Variants in CA8 observed in about 807,000 individuals in gnomAD.
CA8 encodes carbonic anhydrase 8 (inactive).
Under a neutral mutation model 41.4 loss-of-function variants are expected in CA8, and 22 were observed. That is an observed-to-expected ratio of 0.53 (90% confidence interval 0.38 to 0.76). The LOEUF (loss-of-function observed/expected upper bound fraction) is 0.76, where lower values mean the gene tolerates loss of function less well. Ranked by LOEUF, CA8 falls within the 30% of genes least tolerant of loss-of-function variation. The pLI, the probability that CA8 is intolerant of heterozygous loss-of-function variation, is 0.00. For missense variants in CA8, 270 were observed against 352.8 expected (o/e 0.77, Z 1.88); for synonymous variants, 121 against 130.6 (o/e 0.93, Z 0.50).
intron 8 of CA8, among the ~76,000 whole-genome samples, chr8:60,198,518 C>G (rs777152276): frequency 6.6e-6 from 1 of 152,126 alleles, no homozygotes; most frequent in Non-Finnish European, 1.5e-5. Flanking sequence ...TCAATTAGCA[C>G]CAAACTAATT....
intron 7 of CA8, among the ~76,000 whole-genome samples, chr8:60,216,013 C>T (rs931883390): frequency 6.6e-6 from 1 of 152,144 alleles, no homozygotes; most frequent in Non-Finnish European, 1.5e-5. Context: ...TAATTTAATG[C>T]AAAATTTTTA....
chr8:60,208,667 A>T (rs1224676023), intron 8 of CA8, 83 bp downstream of exon 8: 2 of 1,184,766 alleles, frequency 1.7e-6, no homozygotes, highest in Non-Finnish European at 2.5e-6. Context: ...TTACTAAATT[A>T]CCAGGATCAC....
intron 3 of CA8, among the ~76,000 whole-genome samples, chr8:60,241,290 T>C (rs375958915): frequency 2.6e-4 from 39 of 152,352 alleles, no homozygotes; most frequent in South Asian, 8.3e-4. Context: ...TATCACCTAC[T>C]TGTTATGTCT....
intron 3 of CA8, among the ~76,000 whole-genome samples, chr8:60,232,999 G>GA (rs1356565553): frequency 6.6e-6 from 1 of 152,206 alleles, no homozygotes. Flanking sequence ...ACAATGCTCA[G>GA]AGGCCTCCCT....
At chr8:60,214,879 A>G (rs1363049863) in intron 7 of CA8, among the ~76,000 whole-genome samples, 1 of 152,218 alleles carries the variant, frequency 6.6e-6, no homozygotes, top group East Asian at 1.9e-4. Context: ...AAACACATTC[A>G]TATTCCTTCA....
chr8:60,272,587 C>G (rs1804107385), intron 2 of CA8, among the ~76,000 whole-genome samples: 1 of 152,074 alleles, frequency 6.6e-6, no homozygotes. Flanking sequence ...GCAAGCTGTC[C>G]CTTCTTCCCA....
intron 7 of CA8, among the ~76,000 whole-genome samples, chr8:60,219,431 C>T (rs1807156397): frequency 6.6e-6 from 1 of 152,204 alleles, no homozygotes; most frequent in Non-Finnish European, 1.5e-5. Flanking sequence ...GCTGGGATTA[C>T]AGGCATGAGC....
chr8:60,257,967 C>A (rs1803605098), intron 3 of CA8, among the ~76,000 whole-genome samples: 1 of 152,184 alleles, frequency 6.6e-6, no homozygotes, highest in Admixed American at 6.5e-5. Context: ...TTTCAGTTAA[C>A]TCTGGTCCAA....
chr8:60,226,763 C>A lies in CA8; in HGVS notation c.576+110G>T, dbSNP rs1807453961. 8.5e-6 allele frequency: 6 copies of A among 708,794 alleles called. No homozygotes were observed. The Admixed American group carries it at 1.2e-4, about 15-fold the overall frequency. The allele number at this position is 708,794 out of a possible 1,614,324, so 43.9% of individuals were successfully genotyped here. On this transcript the variant is annotated intron_variant, in intron 5 of 8. Transcript: ENST00000317995. ...TAATAAACCATAACCACAAGGACAGCAGCTTTTCTGAGATCTGTGAGTCCT... is the reference window on the plus strand; with the variant it reads ...TAATAAACCATAACCACAAGGACAGAAGCTTTTCTGAGATCTGTGAGTCCT...
rs532822665 is a variant in CA8 at position 60,225,544 on chromosome 8, G to A, written c.577-959C>T. Among the ~76,000 whole-genome samples, 5 of 152,160 alleles carry A rather than the reference G, an allele frequency of 3.3e-5. No homozygotes were observed. The East Asian group carries it at 9.7e-4, about 29-fold the overall frequency. On this transcript the variant is annotated intron_variant, in intron 5 of 8. Coordinates refer to ENST00000317995, the MANE Select transcript of CA8 (RefSeq NM_004056.6). ...TTATCAGCTTTTTTTATCTGGACTGGGCATCCCTTGGAAGCTGGGTTCCTT... is the reference window on the plus strand; with the variant it reads ...TTATCAGCTTTTTTTATCTGGACTGAGCATCCCTTGGAAGCTGGGTTCCTT...
chr8:60,229,708 G>A (rs373374844), intron 4 of CA8, among the ~76,000 whole-genome samples: 108 of 152,174 alleles, frequency 7.1e-4, no homozygotes, highest in African/African-American at 2.6e-3. Flanking sequence ...CAGATGCCCC[G>A]GGCCATCCAG....
chr8:60,204,098 A>G (rs77100415), intron 8 of CA8, among the ~76,000 whole-genome samples: 2,107 of 152,340 alleles, frequency 0.014, 58 homozygotes, highest in African/African-American at 0.046. Context: ...CCACCTACTT[A>G]CAGGAAAGGT....
At chr8:60,190,435 ATATATATATATATAT>A in intron 8 of CA8, among the ~76,000 whole-genome samples, 1 of 1,856 alleles carries the variant, frequency 5.4e-4, no homozygotes. Context: ...AATGCAGAAT[ATATATATATATATAT>A]ATATATATAT....
intron 8 of CA8, among the ~76,000 whole-genome samples, chr8:60,192,147 C>T (rs1473360509): frequency 6.6e-6 from 1 of 152,080 alleles, no homozygotes. Context: ...ATTAGCTTTA[C>T]CTGCCTCAAA....
At chr8:60,206,577 C>T (rs989981222) in intron 8 of CA8, among the ~76,000 whole-genome samples, 2 of 152,144 alleles carry the variant, frequency 1.3e-5, no homozygotes, top group African/African-American at 4.8e-5. Context: ...ATCCCACCCC[C>T]GCTGCCTCTT....
At position 60,227,975 on chromosome 8, in the gene CA8, T is replaced by C. The variant is rs184531705; in HGVS notation, c.514-1040A>G. On this transcript the variant is annotated intron_variant, in intron 4 of 8. Transcript: ENST00000317995. ...AGAGTAATGGAGGTCATTTAGAACC[T>C]CAAATAAACAATCATTGCTTTTGTC... 1.6e-3 allele frequency among the ~76,000 whole-genome samples: 243 copies of C among 152,302 alleles called. 2 individuals carry two copies. Among genetic ancestry groups the C allele is most frequent in the African/African-American group, 5.8e-3 (241 of 41,574 alleles).
intron 8 of CA8, among the ~76,000 whole-genome samples, chr8:60,192,658 TG>T (rs1806162989): frequency 6.6e-6 from 1 of 152,078 alleles, no homozygotes; most frequent in Admixed American, 6.6e-5. Context: ...CATAAATAAG[TG>T]CAACAAAATG....
At chr8:60,205,741 AG>A (rs896997669) in intron 8 of CA8, among the ~76,000 whole-genome samples, 136 of 152,334 alleles carry the variant, frequency 8.9e-4, no homozygotes, top group African/African-American at 3.0e-3. Context: ...AAAGTCTTCC[AG>A]GTGCCCAGAC....
chr8:60,264,112 C>T, intron 3 of CA8, among the ~76,000 whole-genome samples: 1 of 152,224 alleles, frequency 6.6e-6, no homozygotes, highest in East Asian at 1.9e-4. Flanking sequence ...TGGACCGGAG[C>T]TGCTGAAACG....
Sources: gnomAD v4.1 joint callset for allele counts (sites outside exome capture counted in the v4.1 genomes callset) on GRCh38, gnomAD v4.1.1 for gene constraint, MANE v1.5 for transcripts, NCBI Gene and HGNC (gene_info 2026-07-23, HGNC 2026-07-21) for gene names.